SGCZ: variants seen among roughly 807,000 people sequenced by gnomAD.
SGCZ encodes the protein zeta-sarcoglycan.
In SGCZ, 40 loss-of-function variants were observed where a neutral mutation model predicts 41.3. The observed-to-expected ratio is 0.97, with a 90% CI of 0.75 to 1.26. The LOEUF is 1.26. Ranked by LOEUF, SGCZ falls within the 50% of genes most tolerant of loss-of-function variation. The pLI, the probability that SGCZ is intolerant of heterozygous loss-of-function variation, is 0.00. For synonymous variants in SGCZ, 206 were observed against 137.5 expected, an observed-to-expected ratio of 1.50 and a Z score of -3.49; for missense variants, 552 against 369.8, an observed-to-expected ratio of 1.49 and a Z score of -4.04.
intron 1 of SGCZ, among the ~76,000 whole-genome samples, chr8:14,687,349 C>G (rs1360011422): frequency 6.7e-6 from 1 of 149,084 alleles, no homozygotes; most frequent in Non-Finnish European, 1.5e-5. Context: ...CCCCCCTCCC[C>G]ACACCCCACA....
intron 1 of SGCZ, among the ~76,000 whole-genome samples, chr8:15,224,291 A>G (rs115380302): frequency 0.018 from 2,738 of 152,332 alleles, 93 homozygotes; most frequent in African/African-American, 0.06. Context: ...AAGACACATT[A>G]TAATAAAATT....
At chr8:14,160,165 A>C (rs1803996808) in intron 5 of SGCZ, among the ~76,000 whole-genome samples, 1 of 152,188 alleles carries the variant, frequency 6.6e-6, no homozygotes, top group Non-Finnish European at 1.5e-5. Context: ...CCTCTTTTAC[A>C]TCATAGAAAA....
At chr8:14,688,068 G>A (rs1339438912) in intron 1 of SGCZ, among the ~76,000 whole-genome samples, 5 of 152,024 alleles carry the variant, frequency 3.3e-5, no homozygotes, top group Non-Finnish European at 7.4e-5. Flanking sequence ...AAATTTGTTT[G>A]AGTCCATTGT....
At chr8:14,128,363 T>C (rs754009542) in intron 5 of SGCZ, among the ~76,000 whole-genome samples, 5 of 152,224 alleles carry the variant, frequency 3.3e-5, no homozygotes, top group Non-Finnish European at 7.3e-5. Context: ...GATATCATTT[T>C]ACACCGTTCG....
chr8:14,318,530 T>G (rs1195576324), intron 3 of SGCZ, among the ~76,000 whole-genome samples: 1 of 151,950 alleles, frequency 6.6e-6, no homozygotes, highest in Non-Finnish European at 1.5e-5. Flanking sequence ...TAAACTAATG[T>G]GGATAGAGAA....
intron 6 of SGCZ, among the ~76,000 whole-genome samples, chr8:14,106,482 C>G (rs916264324): frequency 6.6e-6 from 1 of 152,022 alleles, no homozygotes; most frequent in African/African-American, 2.4e-5. Flanking sequence ...AATATTGTTC[C>G]CTAGCTTGTT....
At chr8:14,520,629 T>G (rs1322513473) in intron 2 of SGCZ, among the ~76,000 whole-genome samples, 1 of 152,082 alleles carries the variant, frequency 6.6e-6, no homozygotes, top group Non-Finnish European at 1.5e-5. Flanking sequence ...GAAGCAGGGA[T>G]AAGGGCACAA....
intron 1 of SGCZ, among the ~76,000 whole-genome samples, chr8:14,643,542 CAA>C (rs61248980): frequency 7.2e-6 from 1 of 138,530 alleles, no homozygotes. Flanking sequence ...GAATATTTTT[CAA>C]AAAAAAAAAG....
chr8:14,901,162 A>G (rs1051724897), intron 1 of SGCZ, among the ~76,000 whole-genome samples: 2 of 152,236 alleles, frequency 1.3e-5, no homozygotes, highest in East Asian at 1.9e-4. Context: ...GTAAAATCTC[A>G]GATCAAATTG....
intron 7 of SGCZ, among the ~76,000 whole-genome samples, chr8:14,091,568 A>C (rs1035421012): frequency 4.6e-5 from 7 of 152,154 alleles, no homozygotes; most frequent in Non-Finnish European, 7.3e-5. Context: ...CATTTCTCTA[A>C]TGACCAGTGA....
intron 1 of SGCZ, among the ~76,000 whole-genome samples, chr8:14,814,738 CATCATTTCCTTGCAGAAATCG>C (rs1234574751): frequency 4.6e-5 from 7 of 152,274 alleles, no homozygotes; most frequent in African/African-American, 1.7e-4. Flanking sequence ...CACCAAATCT[CATCATTTCCTTGCAGAAATCG>C]GTTAAGACTA....
chr8:14,391,214 C>T (rs141585728), intron 2 of SGCZ, among the ~76,000 whole-genome samples: 5 of 152,094 alleles, frequency 3.3e-5, no homozygotes, highest in Admixed American at 6.6e-5. Flanking sequence ...ACAAAATGAT[C>T]TTCTGTCATC....
chr8:14,713,899 A>AT (rs1809602582), intron 1 of SGCZ, among the ~76,000 whole-genome samples: 2 of 152,252 alleles, frequency 1.3e-5, no homozygotes, highest in South Asian at 2.1e-4. Flanking sequence ...AACTTACGAT[A>AT]TTTTTTAAAC....
At chr8:14,421,579 A>G (rs993233292) in intron 2 of SGCZ, among the ~76,000 whole-genome samples, 1 of 152,086 alleles carries the variant, frequency 6.6e-6, no homozygotes, top group Non-Finnish European at 1.5e-5. Context: ...CAATCAACCT[A>G]TGGTGGAATG....
chr8:15,229,786 T>G (rs1165141714), intron 1 of SGCZ, among the ~76,000 whole-genome samples: 1 of 152,214 alleles, frequency 6.6e-6, no homozygotes, highest in East Asian at 1.9e-4. Context: ...TTCACAAAAA[T>G]GTTCTCACTC....
intron 1 of SGCZ, among the ~76,000 whole-genome samples, chr8:14,583,715 T>C (rs1299819135): frequency 6.6e-6 from 1 of 152,186 alleles, no homozygotes; most frequent in Non-Finnish European, 1.5e-5. Context: ...CTTCTGTGAA[T>C]AATTTGTCTT....
At chr8:14,518,908 A>AAT (rs1554531092) in intron 2 of SGCZ, among the ~76,000 whole-genome samples, 2 of 150,794 alleles carry the variant, frequency 1.3e-5, no homozygotes, top group African/African-American at 4.9e-5. Context: ...AAAAAAAAAA[A>AAT]AAATACAAAA....
intron 1 of SGCZ, among the ~76,000 whole-genome samples, chr8:14,838,500 T>C (rs1485662285): frequency 6.6e-6 from 1 of 152,106 alleles, no homozygotes; most frequent in African/African-American, 2.4e-5. Context: ...CAGGAGCAGG[T>C]ACCATACAAC....
chr8:14,392,801 C>A (rs1585444351), intron 2 of SGCZ, among the ~76,000 whole-genome samples: 1 of 146,842 alleles, frequency 6.8e-6, no homozygotes, highest in Admixed American at 6.9e-5. Context: ...ATATTTAAGA[C>A]TTTTAACTTG....
Sources: gnomAD v4.1 joint callset for allele counts (sites outside exome capture counted in the v4.1 genomes callset) on GRCh38, gnomAD v4.1.1 for gene constraint, MANE v1.5 for transcripts, NCBI Gene and HGNC (gene_info 2026-07-23, HGNC 2026-07-21) for gene names.